The following OR2L13 variants were observed in gnomAD, a reference collection of about 807,000 sequenced individuals.
OR2L13 encodes olfactory receptor family 2 subfamily L member 13.
Under a neutral mutation model 15.3 loss-of-function variants are expected in OR2L13, and 14 were observed. The ratio of observed to expected loss-of-function variants is 0.91; its 90% CI spans 0.60 to 1.43. OR2L13 has a LOEUF of 1.43. Among genes scored for constraint, OR2L13 ranks in the 40% most tolerant of loss-of-function variants. OR2L13 has a pLI of 0.00. For synonymous variants in OR2L13, 152 were observed against 142.9 expected (o/e 1.06, Z -0.45); for missense variants, 367 against 387.9 (o/e 0.95, Z 0.45).
chr1:247,946,437 A>G, the OR2L13 span, among the ~76,000 whole-genome samples: 1 of 152,174 alleles, frequency 6.6e-6, no homozygotes, highest in Non-Finnish European at 1.5e-5. Flanking sequence ...CTTCATTATT[A>G]TGATGAAGCT....
chr1:247,961,659 A>T, the OR2L13 span, among the ~76,000 whole-genome samples: 6 of 152,228 alleles, frequency 3.9e-5, no homozygotes, highest in Non-Finnish European at 8.8e-5. Flanking sequence ...CAGGATCCAC[A>T]TCCAGAGAAA....
the OR2L13 span, among the ~76,000 whole-genome samples, chr1:247,952,003 G>A: frequency 1.3e-5 from 2 of 152,112 alleles, no homozygotes; most frequent in Admixed American, 6.5e-5. Context: ...GCGCGCGTGC[G>A]CGCATGAGAA....
the OR2L13 span, among the ~76,000 whole-genome samples, chr1:248,049,985 T>C: frequency 1.3e-5 from 2 of 152,208 alleles, no homozygotes; most frequent in East Asian, 1.9e-4. Context: ...CTCAGTTTTG[T>C]CATCTATAAA....
chr1:248,023,002 GT>G, the OR2L13 span: 1 of 976,350 alleles, frequency 1.0e-6, no homozygotes, highest in Non-Finnish European at 1.5e-6. Flanking sequence ...AATCCAGAAT[GT>G]TTGTCTTTTA....
the OR2L13 span, chr1:248,039,212 C>T: frequency 1.6e-4 from 248 of 1,598,702 alleles, no homozygotes; most frequent in Admixed American, 2.5e-4. Context: ...TGTAGACATA[C>T]GTTCTGTGTT....
upstream of OR2L13, among the ~76,000 whole-genome samples, chr1:248,092,251 G>A (rs927845192): frequency 3.3e-5 from 5 of 152,108 alleles, 1 homozygote; most frequent in African/African-American, 1.2e-4. Flanking sequence ...CTTCCTTCCT[G>A]TTTAAATGCT....
At chr1:247,949,901 C>A in the OR2L13 span, 2 of 811,140 alleles carry the variant, frequency 2.5e-6, no homozygotes, top group Non-Finnish European at 3.6e-6. Flanking sequence ...TAAAACTAAC[C>A]AACGGAAGAA....
the OR2L13 span, among the ~76,000 whole-genome samples, chr1:248,050,276 T>G: frequency 6.6e-6 from 1 of 151,388 alleles, no homozygotes; most frequent in East Asian, 1.9e-4. Context: ...AAAAAAAAAG[T>G]AAAAGCAAGT....
intron 1 of OR2L13, among the ~76,000 whole-genome samples, 179 bp from the exon 2 acceptor site, chr1:248,098,472 C>G (rs1162781970): frequency 6.6e-6 from 1 of 152,186 alleles, no homozygotes; most frequent in Non-Finnish European, 1.5e-5. Context: ...ATGTTCCCAA[C>G]TTTTCATTGT....
At chr1:248,018,042 C>T in the OR2L13 span, among the ~76,000 whole-genome samples, 2 of 151,788 alleles carry the variant, frequency 1.3e-5, no homozygotes, top group African/African-American at 4.9e-5. Flanking sequence ...GTAATCCCAG[C>T]TACTTGGGAG....
At chr1:247,978,444 A>G in the OR2L13 span, among the ~76,000 whole-genome samples, 1 of 152,118 alleles carries the variant, frequency 6.6e-6, no homozygotes, top group Admixed American at 6.6e-5. Flanking sequence ...AATGGTTATC[A>G]CTTGAATCTT....
chr1:248,004,094 G>T, the OR2L13 span: 1 of 1,568,688 alleles, frequency 6.4e-7, no homozygotes, highest in Non-Finnish European at 8.7e-7. Context: ...TAAGGTTTCA[G>T]GACTCAGATA....
the OR2L13 span, chr1:247,991,125 C>T: frequency 1.2e-6 from 2 of 1,606,462 alleles, no homozygotes; most frequent in South Asian, 2.2e-5. Flanking sequence ...TGCTCAACCC[C>T]ATCATCTACA....
exon 3 of OR2L13, chr1:248,100,053 T>A: frequency 6.2e-7 from 1 of 1,614,122 alleles, no homozygotes; most frequent in South Asian, 1.1e-5. Context: ...CTGTCTATCA[T>A]ATGCACTCAA....
chr1:248,022,214 G>C, the OR2L13 span: 1 of 1,614,112 alleles, frequency 6.2e-7, no homozygotes, highest in Non-Finnish European at 8.5e-7. Context: ...ATGGAAACAA[G>C]TCTATCTCCT....
At chr1:248,041,163 A>G in the OR2L13 span, 3 of 152,220 alleles carry the variant, frequency 2.0e-5, no homozygotes, top group Non-Finnish European at 4.4e-5. Flanking sequence ...AAACAGAAAT[A>G]TAGATCAATG....
chr1:248,084,534 G>A, the OR2L13 span: 1 of 1,613,302 alleles, frequency 6.2e-7, no homozygotes. Context: ...GGACTTGGTG[G>A]GCTCTGGTGT....
At chr1:248,020,132 C>T in the OR2L13 span, among the ~76,000 whole-genome samples, 13 of 152,250 alleles carry the variant, frequency 8.5e-5, no homozygotes, top group African/African-American at 3.1e-4. Context: ...CAATGCCATA[C>T]TGTTTTGATT....
the OR2L13 span, among the ~76,000 whole-genome samples, chr1:248,070,339 C>G: frequency 3.2e-4 from 48 of 152,096 alleles, 1 homozygote; most frequent in African/African-American, 1.2e-3. Context: ...AACCACTCAA[C>G]TACATGGAAA....
Sources: gnomAD v4.1 joint callset for allele counts (sites outside exome capture counted in the v4.1 genomes callset) on GRCh38, gnomAD v4.1.1 for gene constraint, MANE v1.5 for transcripts, NCBI Gene and HGNC (gene_info 2026-07-23, HGNC 2026-07-21) for gene names.